The following PLCH2 variants were observed in gnomAD, a reference collection of about 807,000 sequenced individuals.
PLCH2 encodes the protein 1-phosphatidylinositol 4,5-bisphosphate phosphodiesterase eta-2.
A neutral mutation model predicts 134.7 loss-of-function variants in PLCH2; 98 were observed. That is an observed-to-expected ratio of 0.73 (90% CI 0.62 to 0.86). The LOEUF (loss-of-function observed/expected upper bound fraction) is 0.86. Ranked by LOEUF, PLCH2 falls within the 40% of genes least tolerant of loss-of-function variation. The pLI is 0.00. For synonymous variants in PLCH2, 974 were observed against 827.5 expected, an observed-to-expected ratio of 1.18 and a Z score of -3.04; for missense variants, 1,994 against 1,986.6, an observed-to-expected ratio of 1.00 and a Z score of -0.07.
chr1:2,483,813 GTGGCGCTGACCCCCGTGTGGGGGT>G lies in PLCH2; in HGVS notation c.646-634_646-611del, dbSNP rs1642116629. Among the ~76,000 whole-genome samples the G allele has an allele frequency of 1.9e-4, 5 of 26,470 alleles. 2 individuals are homozygous for G. The highest frequency in any genetic ancestry group is 8.3e-4 in the African/African-American group (5 of 6,020). 17.4% of individuals were successfully genotyped at this position (26,470 alleles called of 152,430 possible). A position where few individuals can be genotyped will look rare whatever the true frequency, so the allele number is the denominator to read the frequency against. ...GGGGGGCGCTGACCCCCGTGTGGGG[GTGGCGCTGACCCCCGTGTGGGGGT>G]GGCGCTGACCCCCGTGTGGGGTGGC... On this transcript the variant is annotated intron_variant, in intron 4 of 21. Transcript: ENST00000378486.
chr1:2,472,466 G>A (rs1429622542), upstream of PLCH2, among the ~76,000 whole-genome samples: 9 of 152,308 alleles, frequency 5.9e-5, no homozygotes, highest in African/African-American at 2.2e-4. Flanking sequence ...AAGAGCCAGG[G>A]CCAGGAAGGG....
chr1:2,452,026 G>C (rs1557960709), intron 2 of PLCH2, among the ~76,000 whole-genome samples: 1 of 152,238 alleles, frequency 6.6e-6, no homozygotes, highest in Non-Finnish European at 1.5e-5. Flanking sequence ...AGGCTGAGCA[G>C]AGACTTCCGT....
upstream of PLCH2, among the ~76,000 whole-genome samples, chr1:2,463,431 T>C (rs1038393805): frequency 2.6e-5 from 4 of 152,224 alleles, no homozygotes; most frequent in Non-Finnish European, 5.9e-5. Context: ...GCAGAGCCCC[T>C]GCCTGCTGAA....
At chr1:2,481,944 G>A (rs1321775221) in intron 4 of PLCH2, among the ~76,000 whole-genome samples, 1 of 152,266 alleles carries the variant, frequency 6.6e-6, no homozygotes, top group African/African-American at 2.4e-5. Context: ...TGCCTGGCAC[G>A]GCCTAATCAG....
At chr1:2,480,075 G>C (rs1212708853) in intron 3 of PLCH2, 98 bp downstream of exon 3, 2 of 1,579,476 alleles carry the variant, frequency 1.3e-6, no homozygotes, top group South Asian at 1.2e-5. Context: ...ACACACTGGG[G>C]AAGTGGCCGG....
chr1:2,447,367 C>T (rs1189470536), intron 2 of PLCH2, among the ~76,000 whole-genome samples: 1 of 152,216 alleles, frequency 6.6e-6, no homozygotes, highest in Non-Finnish European at 1.5e-5. Context: ...CACCTGCACA[C>T]AGCTGTACAG....
In PLCH2 at chr1:2,504,148, G is replaced by A. The variant is rs1361486783; in HGVS notation, c.3186G>A (p.Glu1062=). 1 of 1,519,396 alleles carries A rather than the reference G, an allele frequency of 6.6e-7. No individual in the cohort carries two copies. Among genetic ancestry groups the A allele is most frequent in the Non-Finnish European group, 8.8e-7 (1 of 1,134,952 alleles). The allele number at this position is 1,519,396 out of a possible 1,614,324, so 94.1% of individuals were successfully genotyped here. Residue 1062 remains glutamate, a synonymous_variant, in exon 22 of 22, where the codon GAG becomes GAA. Transcript: ENST00000378486. ...GCAGGCCTCGGCCGTGCAACGGCGAGGGCGCCGGCGGGGCATACGAGAGGG... is the reference window on the plus strand; with the variant it reads ...GCAGGCCTCGGCCGTGCAACGGCGAAGGCGCCGGCGGGGCATACGAGAGGG... The part of the protein sequence containing the change: ...RDSRPRPCNG[E]GAGGAYERAP...
chr1:2,452,873 A>C (rs759631556), intron 2 of PLCH2, among the ~76,000 whole-genome samples: 2 of 152,200 alleles, frequency 1.3e-5, no homozygotes, highest in African/African-American at 2.4e-5. Flanking sequence ...CCCGGAGCTC[A>C]GCAGAGCCTA....
At position 2,505,127 on chromosome 1, in the gene PLCH2, G is replaced by A. The variant is rs775591696; in HGVS notation, c.4165G>A (p.Gly1389Ser). Residue 1389 changes from glycine to serine, a missense_variant, in exon 22 of 22, where the codon GGC becomes AGC. Around this residue, in one of 2 missense-constraint regions of PLCH2, gnomAD observed 900 missense variants for 752.3 expected, o/e 1.20. Transcript: ENST00000378486. ...GGGCGCCTGCTCCGTGGGCCACGAG[G>A]GCAGTGTGGATGCACCAGCACCCTC... ...PEGACSVGHE[G>S]SVDAPAPSKG... 7.7e-6 allele frequency: 12 copies of A among 1,553,426 alleles called. No individual in the cohort carries two copies. Among genetic ancestry groups the A allele is most frequent in the South Asian group, 1.2e-5 (1 of 85,184 alleles).
At chr1:2,479,108 T>A (rs981562707) in intron 2 of PLCH2, 1 of 171,688 alleles carries the variant, frequency 5.8e-6, no homozygotes, top group Admixed American at 5.5e-5. Flanking sequence ...ACGGGTAGGG[T>A]CCCACGGTTT....
rs979171612 is a variant in PLCH2, at chr1:2,502,340, G to A, written c.2890G>A (p.Val964Met). The change falls in exon 21 of 22, where the codon GTG becomes ATG. Residue 964 changes from valine to methionine, a missense_variant. This residue lies in a region of PLCH2 where 900 missense variants were observed against 752.3 expected (regional missense o/e 1.20). Coordinates refer to ENST00000378486, the MANE Select transcript of PLCH2 (RefSeq NM_014638.4). The part of the protein sequence containing the change: ...TGSKGVADDV[V>M]PPGPGPAPEA... The stretch of plus-strand genomic sequence containing the variant: ...CTCCAAGGGGGTGGCAGACGATGTG[G>A]TGCCCCCCGGGCCCGGACCTGCTCC... The A allele has an allele frequency of 6.5e-6, 10 of 1,535,924 alleles. No homozygotes were observed. Among genetic ancestry groups the A allele is most frequent in the Middle Eastern group, 2.0e-4 (1 of 5,074 alleles).
chr1:2,491,177 CT>C lies in PLCH2; in HGVS notation c.1516-14del. 6.2e-7 allele frequency: 1 copy of C among 1,608,916 alleles called. No homozygotes were observed. Among genetic ancestry groups the C allele is most frequent in the Non-Finnish European group, 8.5e-7 (1 of 1,177,844 alleles). On this transcript the variant is annotated splice_polypyrimidine_tract_variant and intron_variant, in intron 10 of 21. Coordinates refer to ENST00000378486, the MANE Select transcript of PLCH2 (RefSeq NM_014638.4). Reference sequence around the variant, plus strand: ...TCGGGACAGATGCCAACAGGCCGGCCTCTGGCTCCTGCAGGCATCCACCAAT... The same window carrying C: ...TCGGGACAGATGCCAACAGGCCGGCCCTGGCTCCTGCAGGCATCCACCAAT...
At chr1:2,470,663 C>T (rs971480123) in intron 1 of PLCH2, among the ~76,000 whole-genome samples, 1 of 152,242 alleles carries the variant, frequency 6.6e-6, no homozygotes, top group Non-Finnish European at 1.5e-5. Context: ...ACCCTCCCTC[C>T]CGCGCCTGGC....
At position 2,499,667 on chromosome 1, in the gene PLCH2, A is replaced by C. The variant is rs753795477; in HGVS notation, c.2608A>C (p.Met870Leu). The change falls in exon 20 of 22, where the codon ATG (methionine) becomes CTG (leucine). Residue 870 changes from methionine to leucine, a missense_variant. By Grantham distance (15) the Met-to-Leu change is conservative. Around this residue, in one of 2 missense-constraint regions of PLCH2, gnomAD observed 1,094 missense variants for 1,234.3 expected, o/e 0.89. Coordinates refer to ENST00000378486, the MANE Select transcript of PLCH2 (RefSeq NM_014638.4). ...CTACAGACACGTGTACCTAGAAGGGATGGAAGAGGCCTCCATCTTCGTGCA... is the reference window on the plus strand; with the variant it reads ...CTACAGACACGTGTACCTAGAAGGGCTGGAAGAGGCCTCCATCTTCGTGCA... ...PGYRHVYLEG[M>L]EEASIFVHVA... 8 of 1,602,196 alleles carry C rather than the reference A, an allele frequency of 5.0e-6. No homozygotes were observed. The East Asian group carries it at 1.8e-4, about 36-fold the overall frequency.
In PLCH2 at chr1:2,495,837, G is replaced by A. The variant is rs779003321; in HGVS notation, c.1835+267G>A. 1.6e-3 allele frequency among the ~76,000 whole-genome samples: 236 copies of A among 152,146 alleles called. 4 individuals are homozygous for A. Among genetic ancestry groups the A allele is most frequent in the East Asian group, 9.7e-4 (5 of 5,140 alleles). ...GATGCTGCCGGGCTGTCGGCTCTCG[G>A]TCCTCACCGCCTCCTCTTATGAGGC... is the stretch of plus-strand genomic sequence containing the variant. On this transcript the variant is annotated intron_variant, in intron 13 of 21. Transcript: ENST00000378486.
intron 2 of PLCH2, among the ~76,000 whole-genome samples, chr1:2,435,841 C>T (rs1195616540): frequency 2.0e-5 from 3 of 151,938 alleles, no homozygotes; most frequent in Admixed American, 2.0e-4. Context: ...GCTGGGAACA[C>T]CTGGTCTGTC....
rs550023756 is a variant in PLCH2, at chr1:2,505,088, C to G, written c.4126C>G (p.Arg1376Gly). 6.5e-7 allele frequency: 1 copy of G among 1,538,694 alleles called. No individual in the cohort carries two copies. Among genetic ancestry groups the G allele is most frequent in the Non-Finnish European group, 8.7e-7 (1 of 1,149,880 alleles). ...LGRQGPPEEE[R>G]GTPEGACSVG... ...CCGGCAGGGACCCCCAGAAGAGGAG[C>G]GGGGCACCCCCGAGGGCGCCTGCTC... is the stretch of plus-strand genomic sequence containing the variant. Residue 1376 changes from arginine (R) to glycine (G), a missense_variant, in exon 22 of 22, where the codon CGG (arginine) becomes GGG (glycine). This residue lies in a region of PLCH2 where 900 missense variants were observed against 752.3 expected (regional missense o/e 1.20). Transcript: ENST00000378486.
At chr1:2,435,646 A>T (rs1639293531) in intron 2 of PLCH2, among the ~76,000 whole-genome samples, 1 of 152,052 alleles carries the variant, frequency 6.6e-6, no homozygotes, top group Non-Finnish European at 1.5e-5. Context: ...CGGCTCTCAG[A>T]GCCCACAGCA....
At chr1:2,503,857 C>T in intron 21 of PLCH2, 65 bp from the exon 22 acceptor site, 1 of 657,830 alleles carries the variant, frequency 1.5e-6, no homozygotes, top group South Asian at 1.7e-5. Context: ...CGCCTCTCTC[C>T]CTGCCTCCCT....
Sources: allele counts gnomAD v4.1 joint callset (sites outside exome capture counted in the v4.1 genomes callset), GRCh38; gene constraint gnomAD v4.1.1; regional missense constraint gnomAD v4.1.1; transcripts MANE v1.5; gene names NCBI Gene and HGNC (gene_info 2026-07-23, HGNC 2026-07-21).